Variants in USP25 observed in about 807,000 individuals in gnomAD.
The protein encoded by USP25 is ubiquitin carboxyl-terminal hydrolase 25.
A neutral mutation model predicts 158.5 loss-of-function variants in USP25; 85 were observed. The ratio of observed to expected loss-of-function variants is 0.54; its 90% CI spans 0.45 to 0.64. The LOEUF (loss-of-function observed/expected upper bound fraction) is 0.64, where lower values mean the gene tolerates loss of function less well. Among genes scored for constraint, USP25 ranks in the 30% least tolerant of loss-of-function variants. The probability of loss-of-function intolerance (pLI) is 0.00; values close to 1 mark genes in which losing one functional copy is unlikely to be tolerated. For synonymous variants in USP25, 464 were observed against 460.4 expected, an observed-to-expected ratio of 1.01 and a Z score of -0.10; for missense variants, 1,242 against 1,327.3, an observed-to-expected ratio of 0.94 and a Z score of 1.00.
At chr21:15,791,435 G>C in intron 4 of USP25, 67 bp from the exon 5 acceptor site, 2 of 1,411,754 alleles carry the variant, frequency 1.4e-6, no homozygotes, top group Non-Finnish European at 1.9e-6. Flanking sequence ...AATGCTTTTA[G>C]AATGTGTGAT....
At chr21:15,797,974 C>G (rs187931614) in intron 5 of USP25, among the ~76,000 whole-genome samples, 98 of 150,906 alleles carry the variant, frequency 6.5e-4, no homozygotes, top group African/African-American at 2.3e-3. Context: ...TATAGGCATG[C>G]AAGGAAAAAA....
chr21:15,766,296 T>G lies in USP25; in HGVS notation c.268+155T>G, dbSNP rs2034035785. 6.6e-6 allele frequency among the ~76,000 whole-genome samples: 1 copy of G among 152,088 alleles called. No individual in the cohort carries two copies. On this transcript the variant is annotated intron_variant, in intron 3 of 25. Transcript: ENST00000400183. This position sits in a 1 kb window ranked among gnomAD's most constrained non-coding sequence, Gnocchi z 4.0. ...TAATGTAGTTGAAAGGAACATACAT[T>G]ATCTTTTTCAGATTATAAGGAAAAG...
At chr21:15,855,818 C>T (rs565724461) in intron 20 of USP25, among the ~76,000 whole-genome samples, 113 of 152,346 alleles carry the variant, frequency 7.4e-4, no homozygotes, top group Middle Eastern at 3.4e-3. Context: ...CTTCCCATCA[C>T]TACAGTCTGT....
At chr21:15,745,468 C>CTTTTT (rs2032459768) in intron 1 of USP25, among the ~76,000 whole-genome samples, 2 of 130,284 alleles carry the variant, frequency 1.5e-5, no homozygotes, top group East Asian at 2.3e-4. Flanking sequence ...TTTTCTTTTT[C>CTTTTT]TTTTCTTTTT....
At chr21:15,869,239 C>A (rs1473043781) in intron 22 of USP25, among the ~76,000 whole-genome samples, 1 of 144,570 alleles carries the variant, frequency 6.9e-6, no homozygotes, top group Admixed American at 6.8e-5. Context: ...CTGAGTGAGA[C>A]CCTGTCTCCA....
At chr21:15,831,316 A>C in intron 15 of USP25, 85 bp from the exon 16 acceptor site, 1 of 1,322,476 alleles carries the variant, frequency 7.6e-7, no homozygotes, top group Non-Finnish European at 1.1e-6. Context: ...GGTTTTCTCC[A>C]AACAGGTTGT....
intron 1 of USP25, among the ~76,000 whole-genome samples, chr21:15,738,369 G>T (rs759811260): frequency 1.4e-4 from 21 of 152,106 alleles, no homozygotes; most frequent in South Asian, 2.1e-4. Flanking sequence ...TGAATCTGTA[G>T]ATCCATTTGG....
chr21:15,831,427 A>G lies in USP25; in HGVS notation c.1791A>G (p.Leu597=). 1.2e-6 allele frequency: 2 copies of G among 1,614,056 alleles called. No homozygotes were observed. The highest frequency in any genetic ancestry group is 1.3e-5 in the African/African-American group (1 of 75,038). Residue 597 remains leucine (L), a synonymous_variant, in exon 16 of 26, where the codon TTA becomes TTG. Transcript: ENST00000400183. Reference sequence around the variant, plus strand: ...TTCCTTATCGATTACATGCCGTTTTAGTTCACGAAGGCCAAGCTAATGCTG... The same window carrying G: ...TTCCTTATCGATTACATGCCGTTTTGGTTCACGAAGGCCAAGCTAATGCTG... ...IQVPYRLHAV[L]VHEGQANAGH...
At chr21:15,858,315 ATG>A (rs2039257571) in intron 20 of USP25, among the ~76,000 whole-genome samples, 6 of 152,002 alleles carry the variant, frequency 3.9e-5, no homozygotes, top group Admixed American at 3.9e-4. Context: ...CAAAAGGAAC[ATG>A]ATACGCCTTT....
At chr21:15,755,916 G>A (rs1304373760) in intron 1 of USP25, among the ~76,000 whole-genome samples, 1 of 152,138 alleles carries the variant, frequency 6.6e-6, no homozygotes, top group East Asian at 1.9e-4. Flanking sequence ...TGATTTCAAG[G>A]GGAGATGAGT....
At chr21:15,738,782 A>G (rs1989381) in intron 1 of USP25, among the ~76,000 whole-genome samples, 35,578 of 152,088 alleles carry the variant, frequency 0.23, 5,664 homozygotes, top group African/African-American at 0.46. Context: ...CAGACAGCCC[A>G]GGGCCACACC....
chr21:15,821,059 A>T (rs963584540), intron 10 of USP25, among the ~76,000 whole-genome samples: 28 of 151,988 alleles, frequency 1.8e-4, no homozygotes, highest in South Asian at 1.2e-3. Context: ...AAACATGGAG[A>T]TATTTTTTGA....
chr21:15,830,565 A>G lies in USP25; in HGVS notation c.1728A>G (p.Thr576=). The G allele has an allele frequency of 1.2e-6, 2 of 1,605,272 alleles. No homozygotes were observed. Among genetic ancestry groups the G allele is most frequent in the Non-Finnish European group, 8.5e-7 (1 of 1,176,108 alleles). Residue 576 remains threonine (T), a synonymous_variant, in exon 15 of 26, where the codon ACA becomes ACG. Coordinates refer to ENST00000400183, the MANE Select transcript of USP25 (RefSeq NM_001283041.3). ...LQESISRIHR[T]IELMYSDKSM... ...AAAGCATATCCAGAATCCATCGAAC[A>G]ATTGAATTAATGTACTCTGACAAAT...
At chr21:15,792,255 A>G (rs1025015366) in intron 5 of USP25, among the ~76,000 whole-genome samples, 4 of 151,676 alleles carry the variant, frequency 2.6e-5, no homozygotes, top group African/African-American at 9.7e-5. Flanking sequence ...AATAAGAGAC[A>G]TATGTATGTG....
chr21:15,833,508 G>A lies in USP25; in HGVS notation c.2154G>A (p.Ala718=), dbSNP rs61750209. ...AQKALQEKLL[A]SQKLRESETS... is the part of the protein sequence containing the mutation. ...AAGCTTTGCAGGAAAAGCTTTTAGC[G>A]TCTCAGAAATTGAGAGAGTCAGAGA... is the stretch of plus-strand genomic sequence containing the variant. The change falls in exon 17 of 26, where the codon GCG becomes GCA. Residue 718 remains alanine, a synonymous_variant. Coordinates refer to ENST00000400183, the MANE Select transcript of USP25 (RefSeq NM_001283041.3). 681 of 1,614,044 alleles carry A rather than the reference G, an allele frequency of 4.2e-4. 1 individual carries two copies. In the African/African-American group the frequency reaches 7.9e-3, roughly 19 times the overall value.
intron 1 of USP25, among the ~76,000 whole-genome samples, chr21:15,737,418 A>C (rs1418545227): frequency 6.6e-6 from 1 of 152,084 alleles, no homozygotes; most frequent in African/African-American, 2.4e-5. Flanking sequence ...GCTTATTTTA[A>C]ATAATAAACA....
chr21:15,733,643 A>G (rs1186789129), intron 1 of USP25, among the ~76,000 whole-genome samples: 1 of 152,140 alleles, frequency 6.6e-6, no homozygotes, highest in African/African-American at 2.4e-5. Flanking sequence ...GTTCGAGACC[A>G]GCCTGACCAA....
At chr21:15,736,849 AT>A (rs2031567970) in intron 1 of USP25, among the ~76,000 whole-genome samples, 2 of 148,758 alleles carry the variant, frequency 1.3e-5, no homozygotes, top group East Asian at 3.9e-4. Context: ...TTAATTAACT[AT>A]TTAATTTTAA....
intron 3 of USP25, among the ~76,000 whole-genome samples, chr21:15,775,739 A>AACCCCCCCCCCCCCCCCCC (rs2034605259): frequency 7.1e-5 from 1 of 14,054 alleles, no homozygotes; most frequent in Non-Finnish European, 1.3e-4. Flanking sequence ...AATGGTTGCC[A>AACCCCCCCCCCCCCCCCCC]CCCCCCCCCC....
Sources: gnomAD v4.1 joint callset for allele counts (sites outside exome capture counted in the v4.1 genomes callset) on GRCh38, gnomAD v4.1.1 for gene constraint, Gnocchi (gnomAD v3.1) non-coding constraint, MANE v1.5 for transcripts, NCBI Gene and HGNC (gene_info 2026-07-23, HGNC 2026-07-21) for gene names.